The following TYW1B variants were observed in gnomAD, a reference collection of about 807,000 sequenced individuals.
The protein encoded by TYW1B is S-adenosyl-L-methionine-dependent tRNA 4-demethylwyosine synthase TYW1B.
Under a neutral mutation model 86.9 loss-of-function variants are expected in TYW1B, and 73 were observed. The ratio of observed to expected loss-of-function variants is 0.84; its 90% CI spans 0.70 to 1.02. TYW1B has a LOEUF of 1.02. Ranked by LOEUF, TYW1B falls within the 50% of genes least tolerant of loss-of-function variation. The pLI is 0.00. For synonymous variants in TYW1B, 248 were observed against 292.8 expected (o/e 0.85, Z 1.56); for missense variants, 637 against 827.4 (o/e 0.77, Z 2.82).
chr7:72,651,459 A>T (rs1183779303), intron 11 of TYW1B, among the ~76,000 whole-genome samples: 1 of 143,828 alleles, frequency 7.0e-6, no homozygotes, highest in Admixed American at 7.0e-5. Flanking sequence ...CTCTACTAAA[A>T]GTACAAAAAT....
At chr7:72,738,088 C>CTTTTT (rs60979976) in intron 8 of TYW1B, among the ~76,000 whole-genome samples, 1 of 127,932 alleles carries the variant, frequency 7.8e-6, no homozygotes, top group Non-Finnish European at 1.6e-5. Flanking sequence ...TTCTTTCTTT[C>CTTTTT]TTTTTTTTTT....
intron 2 of TYW1B, among the ~76,000 whole-genome samples, chr7:72,824,575 T>C (rs1389398318): frequency 2.0e-5 from 3 of 151,898 alleles, no homozygotes; most frequent in Admixed American, 2.0e-4. Context: ...ACCTCGTCTC[T>C]ACTAAAAATA....
At chr7:72,659,261 T>C (rs1554444124) in intron 11 of TYW1B, among the ~76,000 whole-genome samples, 1 of 152,152 alleles carries the variant, frequency 6.6e-6, no homozygotes, top group Non-Finnish European at 1.5e-5. Context: ...TGTGTTCCTT[T>C]AGATTCCAAG....
intron 6 of TYW1B, among the ~76,000 whole-genome samples, chr7:72,786,485 A>G (rs1401055693): frequency 2.0e-5 from 3 of 152,062 alleles, no homozygotes; most frequent in Non-Finnish European, 4.4e-5. Context: ...TCTAATGGCC[A>G]TAAGATGAAA....
chr7:72,717,833 T>C (rs1358726311), intron 9 of TYW1B, among the ~76,000 whole-genome samples: 4 of 152,148 alleles, frequency 2.6e-5, no homozygotes, highest in Non-Finnish European at 5.9e-5. Context: ...ATGGCTATTA[T>C]TAGAGCAAAA....
At chr7:72,811,203 A>G (rs1340044063) in intron 3 of TYW1B, among the ~76,000 whole-genome samples, 3 of 150,648 alleles carry the variant, frequency 2.0e-5, no homozygotes, top group African/African-American at 4.9e-5. Flanking sequence ...CCCAGGAGGC[A>G]GAGCTTGTAG....
chr7:72,577,821 G>A (rs1397644750), intron 13 of TYW1B, among the ~76,000 whole-genome samples: 1 of 152,196 alleles, frequency 6.6e-6, no homozygotes, highest in Non-Finnish European at 1.5e-5. Context: ...CCTCTCACGT[G>A]ACGCCCAAGC....
intron 11 of TYW1B, among the ~76,000 whole-genome samples, chr7:72,663,681 G>A (rs528456400): frequency 1.1e-4 from 16 of 145,808 alleles, no homozygotes; most frequent in East Asian, 6.3e-4. Context: ...GGAGAATGGC[G>A]TGAACCCGGG....
chr7:72,819,708 T>C lies in TYW1B; in HGVS notation c.136-4227A>G, dbSNP rs370542300. ...TTGGCCTCCCAAAGTGCTGGGATTA[T>C]AGGCGTGAGCCACTGTGCCTAGCCC... On this transcript the variant is annotated intron_variant, in intron 2 of 13. Coordinates refer to ENST00000620995, the MANE Select transcript of TYW1B (RefSeq NM_001145440.3). Among the ~76,000 whole-genome samples, 18 of 152,276 alleles carry C rather than the reference T, an allele frequency of 1.2e-4. No individual in the cohort carries two copies. The East Asian group carries it at 2.5e-3, about 21-fold the overall frequency.
intron 7 of TYW1B, among the ~76,000 whole-genome samples, chr7:72,744,941 A>C (rs1787369166): frequency 6.6e-6 from 1 of 152,240 alleles, no homozygotes; most frequent in South Asian, 2.1e-4. Context: ...ACTCCTAAAA[A>C]ATGGGGGCTG....
intron 6 of TYW1B, among the ~76,000 whole-genome samples, chr7:72,787,074 T>C (rs1300854564): frequency 1.3e-5 from 2 of 151,950 alleles, no homozygotes; most frequent in Non-Finnish European, 2.9e-5. Context: ...TTCATACATT[T>C]TTCAAAAGTA....
intron 2 of TYW1B, among the ~76,000 whole-genome samples, chr7:72,817,246 A>G (rs1172738049): frequency 4.6e-5 from 7 of 152,046 alleles, no homozygotes; most frequent in Non-Finnish European, 7.4e-5. Context: ...TCTACTAAAA[A>G]TACAAAAATT....
chr7:72,599,740 C>T lies in TYW1B; in HGVS notation c.1785+16932G>A, dbSNP rs1378318141. On this transcript the variant is annotated intron_variant, in intron 13 of 13. Transcript: ENST00000620995. ...ATAAAATTAATTGCTTTCCTATATA[C>T]TAGCAAGGAACAACTGGAATTTGAA... Among the ~76,000 whole-genome samples the T allele has an allele frequency of 9.2e-5, 14 of 152,140 alleles. No individual in the cohort carries two copies. In the East Asian group the frequency reaches 2.5e-3, roughly 27 times the overall value.
rs372077121 is a variant in TYW1B at position 72,628,932 on chromosome 7, G to A, written c.1572C>T (p.Tyr524=). Residue 524 remains tyrosine (Y), a synonymous_variant, in exon 12 of 14, where the codon TAC becomes TAT. Coordinates refer to ENST00000620995, the MANE Select transcript of TYW1B (RefSeq NM_001145440.3). ...KAWNVDELQA[Y]AQLVSLGNPD... is the part of the protein sequence containing the mutation. ...GATTCCCCAGGGACACGAGCTGCGCGTAGGCCTGGAGCTCGTCCACGTTCC... is the reference window on the plus strand; with the variant it reads ...GATTCCCCAGGGACACGAGCTGCGCATAGGCCTGGAGCTCGTCCACGTTCC... 1.0e-4 allele frequency: 164 copies of A among 1,594,462 alleles called. 1 individual carries two copies. The African/African-American group carries it at 1.8e-3, about 17-fold the overall frequency.
At chr7:72,648,408 T>A (rs1554442344) in intron 11 of TYW1B, among the ~76,000 whole-genome samples, 1 of 151,992 alleles carries the variant, frequency 6.6e-6, no homozygotes, top group Admixed American at 6.6e-5. Context: ...CTGGACTTGG[T>A]AGCGCATGCC....
Position 72,603,567 on chromosome 7 carries a change from C to A in TYW1B, c.1785+13105G>T, listed in dbSNP as rs145935790. ...GCGCCCCCTGGATATGGACCACACA[C>A]GGTGATTTCCTCCCAAAGAGCACAG... On this transcript the variant is annotated intron_variant, in intron 13 of 13. Coordinates refer to ENST00000620995, the MANE Select transcript of TYW1B (RefSeq NM_001145440.3). Among the ~76,000 whole-genome samples the A allele has an allele frequency of 1.0e-2, 1,519 of 152,276 alleles. 26 individuals carry two copies. The highest frequency in any genetic ancestry group is 0.011 in the Non-Finnish European group (715 of 68,022).
intron 3 of TYW1B, among the ~76,000 whole-genome samples, chr7:72,815,068 C>CAAAAAA (rs576240918): frequency 1.9e-4 from 14 of 73,074 alleles, no homozygotes; most frequent in African/African-American, 3.2e-4. Flanking sequence ...GACTCCATCT[C>CAAAAAA]AAAAAAAAAA....
chr7:72,775,201 T>C (rs1787933951), intron 7 of TYW1B, among the ~76,000 whole-genome samples: 3 of 152,078 alleles, frequency 2.0e-5, no homozygotes, highest in Admixed American at 2.0e-4. Context: ...ATTACATATA[T>C]AACTGTAGTC....
At chr7:72,791,732 C>T (rs561822532) in intron 6 of TYW1B, among the ~76,000 whole-genome samples, 6 of 152,148 alleles carry the variant, frequency 3.9e-5, no homozygotes, top group Admixed American at 3.9e-4. Context: ...AGCGAGATGG[C>T]GCCACTGCAC....
Sources: gnomAD v4.1 joint callset for allele counts (sites outside exome capture counted in the v4.1 genomes callset) on GRCh38, gnomAD v4.1.1 for gene constraint, MANE v1.5 for transcripts, NCBI Gene and HGNC (gene_info 2026-07-23, HGNC 2026-07-21) for gene names.